Variants in NR1H3 observed in about 807,000 individuals in gnomAD.
The protein encoded by NR1H3 is nuclear receptor subfamily 1 group H member 3, also known as oxysterols receptor LXR-alpha.
Under a neutral mutation model 48.1 loss-of-function variants are expected in NR1H3, and 19 were observed. The observed-to-expected ratio is 0.40, with a 90% CI of 0.28 to 0.58. NR1H3 has a LOEUF of 0.58. NR1H3 is among the 20% of genes least tolerant of loss of function. The pLI, the probability that NR1H3 is intolerant of heterozygous loss-of-function variation, is 0.50. For missense variants in NR1H3, 486 were observed against 595.9 expected, an observed-to-expected ratio of 0.82 and a Z score of 1.92; for synonymous variants, 232 against 227.3, an observed-to-expected ratio of 1.02 and a Z score of -0.19.
In NR1H3 at chr11:47,259,184, G is replaced by T; in HGVS notation, c.-33G>T. Reference sequence around the variant, plus strand: ...TAATCTGGGTCCTTCCTGCAGGACAGTGCCTTGGTAATGACCAGGGCTCCA... The same window carrying T: ...TAATCTGGGTCCTTCCTGCAGGACATTGCCTTGGTAATGACCAGGGCTCCA... On this transcript the variant is annotated 5_prime_UTR_variant, in exon 2 of 10. Transcript: ENST00000441012. 2 of 1,614,194 alleles carry T rather than the reference G, an allele frequency of 1.2e-6. No individual in the cohort carries two copies. The highest frequency in any genetic ancestry group is 1.7e-6 in the Non-Finnish European group (2 of 1,180,014).
In NR1H3 at chr11:47,259,819, C is replaced by A; in HGVS notation, c.72C>A (p.Gly24=). Residue 24 remains glycine, a synonymous_variant, in exon 3 of 10, where the codon GGC becomes GGA. Transcript: ENST00000441012. The part of the protein sequence containing the change: ...PDSAVELWKP[G]AQDASSQAQG... ...CTGCGGTGGAGCTGTGGAAGCCAGG[C>A]GCACAGGATGCAAGCAGCCAGGCCC... 6.2e-7 allele frequency: 1 copy of A among 1,612,230 alleles called. No individual in the cohort carries two copies. Among genetic ancestry groups the A allele is most frequent in the Non-Finnish European group, 8.5e-7 (1 of 1,179,922 alleles).
chr11:47,257,020 G>A (rs367889995), upstream of NR1H3, among the ~76,000 whole-genome samples: 59 of 152,214 alleles, frequency 3.9e-4, no homozygotes, highest in East Asian at 1.2e-3. Context: ...GTGAGCCACC[G>A]CGCCCGGCCG....
chr11:47,264,212 A>ACTGGATCATCCC (rs1956224034), intron 7 of NR1H3, among the ~76,000 whole-genome samples: 1 of 152,188 alleles, frequency 6.6e-6, no homozygotes, highest in Admixed American at 6.5e-5. Flanking sequence ...CAAGTAGCTT[A>ACTGGATCATCCC]ACGACTGGAT....
upstream of NR1H3, among the ~76,000 whole-genome samples, chr11:47,255,547 T>TTCTTTCTTTC (rs1283134005): frequency 5.0e-4 from 28 of 55,698 alleles, no homozygotes; most frequent in African/African-American, 1.7e-3. Context: ...TTCTTTTTCT[T>TTCTTTCTTTC]TCTTTCTTTC....
intron 7 of NR1H3, among the ~76,000 whole-genome samples, chr11:47,266,228 C>T (rs950601328): frequency 4.0e-5 from 6 of 151,576 alleles, no homozygotes; most frequent in African/African-American, 7.3e-5. Flanking sequence ...AGGCTGAATG[C>T]AGTGGTGTGA....
upstream of NR1H3, chr11:47,248,792 C>T (rs995629115): frequency 2.5e-6 from 4 of 1,588,146 alleles, no homozygotes; most frequent in Admixed American, 1.8e-5. Context: ...CCCGCCATCA[C>T]CGTTGTAATC....
exon 1 of NR1H3, chr11:47,248,919 G>A: frequency 6.5e-7 from 1 of 1,539,048 alleles, no homozygotes. Flanking sequence ...GGACCTGCTG[G>A]GGTGCGGGGA....
chr11:47,261,212 C>T, intron 4 of NR1H3, 29 bp from the exon 5 acceptor site: 2 of 1,528,180 alleles, frequency 1.3e-6, no homozygotes, highest in Non-Finnish European at 1.8e-6. Context: ...CCCATCTGCT[C>T]CCTTCCTCAT....
upstream of NR1H3, chr11:47,248,906 T>G (rs967734058): frequency 1.3e-6 from 2 of 1,541,912 alleles, no homozygotes; most frequent in Non-Finnish European, 1.7e-6. Context: ...CCATCTTACT[T>G]AGGGACCTGC....
upstream of NR1H3, chr11:47,248,770 C>T: frequency 6.3e-7 from 1 of 1,599,212 alleles, no homozygotes; most frequent in Non-Finnish European, 8.5e-7. Flanking sequence ...CCGGCTCCAG[C>T]CGGACCGCTT....
intron 1 of NR1H3, chr11:47,258,332 G>A (rs1955423864): frequency 2.7e-6 from 1 of 366,436 alleles, no homozygotes. Flanking sequence ...GTGAATTGGG[G>A]AGATTCTTGG....
chr11:47,248,917 T>C lies in NR1H3; in HGVS notation c.-175T>C, dbSNP rs1369160460. Reference sequence around the variant, plus strand: ...GCCGCCATCTTACTTAGGGACCTGCTGGGGTGCGGGGAAAAGGCGCAGTCT... The same window carrying C: ...GCCGCCATCTTACTTAGGGACCTGCCGGGGTGCGGGGAAAAGGCGCAGTCT... On this transcript the variant is annotated 5_prime_UTR_variant, in exon 1 of 9. Coordinates refer to the NR1H3 transcript ENST00000395397. 3.9e-6 allele frequency: 6 copies of C among 1,536,558 alleles called. No homozygotes were observed. In the Middle Eastern group the frequency reaches 6.4e-4, roughly 163 times the overall value.
chr11:47,261,572 A>C lies in NR1H3; in HGVS notation c.734A>C (p.His245Pro), dbSNP rs748428490. 2 of 1,614,192 alleles carry C rather than the reference A, an allele frequency of 1.2e-6. No homozygotes were observed. The highest frequency in any genetic ancestry group is 1.7e-6 in the Non-Finnish European group (2 of 1,180,018). The change falls in exon 6 of 10, where the codon CAT (histidine) becomes CCT (proline). Residue 245 changes from histidine to proline, a missense_variant. By Grantham distance (77) the His-to-Pro change is moderately conservative. Transcript: ENST00000441012. The part of the protein sequence containing the change: ...VTPWPMAPDP[H>P]SREARQQRFA... ...CCTTGGCCCATGGCACCAGATCCCC[A>C]TAGCCGGGAGGCCCGTCAGCAGCGC...
chr11:47,249,480 T>G (rs557495683), intron 1 of NR1H3, among the ~76,000 whole-genome samples: 1 of 152,264 alleles, frequency 6.6e-6, no homozygotes, highest in Admixed American at 6.5e-5. Flanking sequence ...GTCATGCCTC[T>G]TCCCAAAGGA....
upstream of NR1H3, among the ~76,000 whole-genome samples, chr11:47,255,595 T>TTCTTTCTTTCTTTCTCTC (rs1565178673): frequency 4.9e-5 from 3 of 61,404 alleles, no homozygotes; most frequent in African/African-American, 2.3e-4. Context: ...CTTTCTTTCT[T>TTCTTTCTTTCTTTCTCTC]TCTCTCTCTC....
intron 9 of NR1H3, 63 bp downstream of exon 9, chr11:47,268,418 C>T (rs748560695): frequency 4.3e-5 from 68 of 1,588,388 alleles, no homozygotes; most frequent in Non-Finnish European, 5.7e-5. Context: ...CCTGACATAC[C>T]TACTTTCCCT....
chr11:47,266,383 TG>T (rs1471975259), intron 7 of NR1H3, among the ~76,000 whole-genome samples: 1 of 151,882 alleles, frequency 6.6e-6, no homozygotes, highest in African/African-American at 2.4e-5. Context: ...TCGCCCAGGC[TG>T]GAGTGCAAGT....
intron 7 of NR1H3, among the ~76,000 whole-genome samples, chr11:47,266,466 G>A (rs1237773317): frequency 6.6e-6 from 1 of 151,874 alleles, no homozygotes; most frequent in Non-Finnish European, 1.5e-5. Flanking sequence ...CTCCCGAGTA[G>A]CTGGGACTAC....
chr11:47,263,900 G>C (rs1162373830), intron 7 of NR1H3, among the ~76,000 whole-genome samples: 2 of 151,974 alleles, frequency 1.3e-5, no homozygotes, highest in Non-Finnish European at 2.9e-5. Flanking sequence ...ACTTGTCCAG[G>C]CCCCTCCCCT....
Sources: allele counts gnomAD v4.1 joint callset (sites outside exome capture counted in the v4.1 genomes callset), GRCh38; gene constraint gnomAD v4.1.1; transcripts MANE v1.5; gene names NCBI Gene and HGNC (gene_info 2026-07-23, HGNC 2026-07-21).